The following FANCD2OS variants were observed in gnomAD, a reference collection of about 807,000 sequenced individuals.
FANCD2OS encodes FANCD2 opposite strand.
In FANCD2OS, 11 loss-of-function variants were observed where a neutral mutation model predicts 13.2. That is an observed-to-expected ratio of 0.83 (90% CI 0.52 to 1.38). The LOEUF (loss-of-function observed/expected upper bound fraction) is 1.38, where lower values mean the gene tolerates loss of function less well. FANCD2OS is among the 40% of genes most tolerant of loss of function. FANCD2OS has a pLI of 0.00. For missense variants in FANCD2OS, 217 were observed against 213.9 expected (o/e 1.01, Z -0.09); for synonymous variants, 69 against 84.5 (o/e 0.82, Z 1.01).
At chr3:10,087,272 G>A (rs1341779432) in intron 2 of FANCD2OS, 1 of 1,546,498 alleles carries the variant, frequency 6.5e-7, no homozygotes, top group South Asian at 1.2e-5. Flanking sequence ...TTGGTGATGG[G>A]CCTAGATCCT....
intron 2 of FANCD2OS, among the ~76,000 whole-genome samples, chr3:10,087,831 T>C (rs1694314661): frequency 6.6e-6 from 1 of 152,048 alleles, no homozygotes; most frequent in Non-Finnish European, 1.5e-5. Flanking sequence ...GTATTTTTAG[T>C]GGAGACGGGG....
intron 2 of FANCD2OS, chr3:10,090,410 A>T: frequency 7.1e-7 from 1 of 1,407,936 alleles, no homozygotes. Flanking sequence ...AGTCACTTCA[A>T]GAAGTGGACT....
At chr3:10,102,378 C>T (rs1041811573), downstream of FANCD2OS, among the ~76,000 whole-genome samples, 3 of 151,876 alleles carry the variant, frequency 2.0e-5, no homozygotes, top group East Asian at 1.9e-4. Context: ...CTCCTGACCT[C>T]GTGATCTACC....
intron 2 of FANCD2OS, chr3:10,088,420 T>G (rs1694368088): frequency 2.2e-6 from 3 of 1,380,400 alleles, no homozygotes; most frequent in South Asian, 1.2e-5. Flanking sequence ...TTCCCATATG[T>G]AAGATTCCTT....
At chr3:10,103,094 T>TA (rs111889470), downstream of FANCD2OS, 6,181 of 396,480 alleles carry the variant, frequency 0.016, no homozygotes, top group East Asian at 0.025. Context: ...CCATCTCTAC[T>TA]AAAAAAAAAA....
At chr3:10,104,864 T>C in intron 1 of FANCD2OS, 82 bp from the exon 2 acceptor site, 1 of 1,261,252 alleles carries the variant, frequency 7.9e-7, no homozygotes, top group Non-Finnish European at 1.1e-6. Context: ...CATCTCTGTC[T>C]CACTATAGAC....
intron 2 of FANCD2OS, among the ~76,000 whole-genome samples, chr3:10,081,941 GT>G (rs1693864924): frequency 6.6e-6 from 1 of 152,180 alleles, no homozygotes; most frequent in Non-Finnish European, 1.5e-5. Flanking sequence ...AAATACTTTT[GT>G]TCCTCAGGGA....
intron 2 of FANCD2OS, chr3:10,092,112 T>G: frequency 9.5e-7 from 1 of 1,050,424 alleles, no homozygotes. Context: ...GAACTATATC[T>G]TAGTGGGAAT....
At chr3:10,092,086 T>C in intron 2 of FANCD2OS, 1 of 910,710 alleles carries the variant, frequency 1.1e-6, no homozygotes, top group South Asian at 1.3e-5. Flanking sequence ...AATATCTGTA[T>C]AGCTATGTAA....
chr3:10,098,641 C>G (rs528812652), downstream of FANCD2OS: 1 of 1,545,110 alleles, frequency 6.5e-7, no homozygotes, highest in African/African-American at 1.4e-5. Context: ...TTTGTATTGC[C>G]TGTAAACTCA....
rs778794561 is a variant in FANCD2OS, at chr3:10,085,897, A to G, written c.*44-4366T>C. The G allele has an allele frequency of 3.1e-6, 5 of 1,612,976 alleles. No individual in the cohort carries two copies. In the African/African-American group the frequency reaches 6.7e-5, roughly 22 times the overall value. ...TAGCCGACTGAAACAGGGAGAACAC[A>G]GCCAGCCTTTGGAGGAACTACTCAG... On this transcript the variant is annotated intron_variant, in intron 2 of 2. Coordinates refer to the FANCD2OS transcript ENST00000524279.
chr3:10,096,567 C>A, intron 2 of FANCD2OS: 1 of 1,118,638 alleles, frequency 8.9e-7, no homozygotes, highest in African/African-American at 1.5e-5. Context: ...GCCCTCGTCT[C>A]TCAGTAAGGC....
chr3:10,088,976 T>C, intron 2 of FANCD2OS: 3 of 1,613,296 alleles, frequency 1.9e-6, no homozygotes. Flanking sequence ...CCTCCAGTTT[T>C]TCCCTTAAGA....
chr3:10,094,112 A>G lies in FANCD2OS; in HGVS notation c.*43+10086T>C, dbSNP rs56061908. On this transcript the variant is annotated intron_variant, in intron 2 of 2. Coordinates refer to the FANCD2OS transcript ENST00000524279. ...ATTCTGGGGCTTAGTTAACAGGCCT[A>G]TTTGATTTTTGTATTAAGTTACATT... is the stretch of plus-strand genomic sequence containing the variant. Among the ~76,000 whole-genome samples the G allele has an allele frequency of 6.8e-3, 1,041 of 152,276 alleles. 6 individuals are homozygous for G. Among genetic ancestry groups the G allele is most frequent in the Admixed American group, 8.2e-3 (125 of 15,300 alleles).
chr3:10,087,300 T>TG, intron 2 of FANCD2OS: 1 of 1,437,774 alleles, frequency 7.0e-7, no homozygotes, highest in South Asian at 1.2e-5. Context: ...TTTTTTTTTT[T>TG]AATGAATAGG....
chr3:10,099,185 T>C (rs912285261), downstream of FANCD2OS: 3 of 1,404,626 alleles, frequency 2.1e-6, no homozygotes, highest in Admixed American at 5.9e-5. Flanking sequence ...ATTTGAAACA[T>C]ACAAAAATAG....
intron 2 of FANCD2OS, chr3:10,095,492 T>C (rs2125093224): frequency 1.7e-6 from 1 of 594,684 alleles, no homozygotes. Flanking sequence ...ACTCCAAAGC[T>C]CTTTTTCCTC....
intron 2 of FANCD2OS, chr3:10,088,364 A>G (rs1694362279): frequency 1.2e-6 from 1 of 864,470 alleles, no homozygotes; most frequent in Non-Finnish European, 2.0e-6. Flanking sequence ...AATCCTTTTG[A>G]TCAATAATCA....
intron 2 of FANCD2OS, among the ~76,000 whole-genome samples, chr3:10,089,319 C>T (rs531871094): frequency 2.6e-5 from 4 of 151,934 alleles, no homozygotes; most frequent in Admixed American, 6.6e-5. Context: ...CACTGTCCAA[C>T]GTATATAGCT....
Sources: gnomAD v4.1 joint callset for allele counts (sites outside exome capture counted in the v4.1 genomes callset) on GRCh38, gnomAD v4.1.1 for gene constraint, MANE v1.5 for transcripts, NCBI Gene and HGNC (gene_info 2026-07-23, HGNC 2026-07-21) for gene names.